MITD1: variants seen among roughly 807,000 people sequenced by gnomAD.
MITD1 encodes the protein MIT domain-containing protein 1.
Under a neutral mutation model 34.9 loss-of-function variants are expected in MITD1, and 24 were observed. The ratio of observed to expected loss-of-function variants is 0.69; its 90% CI spans 0.50 to 0.97. The LOEUF (loss-of-function observed/expected upper bound fraction) is 0.97. MITD1 is among the 50% of genes least tolerant of loss of function. The probability of loss-of-function intolerance (pLI) is 0.00; values close to 1 mark genes in which losing one functional copy is unlikely to be tolerated. For missense variants in MITD1, 266 were observed against 294.6 expected, an observed-to-expected ratio of 0.90 and a Z score of 0.71; for synonymous variants, 102 against 101.4, an observed-to-expected ratio of 1.01 and a Z score of -0.04.
intron 1 of MITD1, among the ~76,000 whole-genome samples, chr2:99,177,800 G>A (rs1281199012): frequency 6.6e-6 from 1 of 152,064 alleles, no homozygotes; most frequent in African/African-American, 2.4e-5. Flanking sequence ...ACTGCACCTG[G>A]CATCTAACTG....
exon 8 of MITD1, chr2:99,162,146 A>G (rs2093798375): frequency 6.2e-7 from 1 of 1,614,086 alleles, no homozygotes. Context: ...AACCAATTCT[A>G]TTCTTTTGGC....
intron 1 of MITD1, 58 bp from the exon 2 acceptor site, chr2:99,174,074 G>T: frequency 2.1e-6 from 2 of 947,828 alleles, no homozygotes; most frequent in South Asian, 1.6e-5. Flanking sequence ...ATTTAATTTG[G>T]GCATTATTTT....
intron 1 of MITD1, among the ~76,000 whole-genome samples, chr2:99,179,598 C>G (rs1488534794): frequency 6.6e-6 from 1 of 152,052 alleles, no homozygotes; most frequent in Non-Finnish European, 1.5e-5. Context: ...GAGTCTTGTT[C>G]TATTGGCAGA....
chr2:99,172,473 ACTT>A (rs1188426788), intron 2 of MITD1: 2 of 152,120 alleles, frequency 1.3e-5, no homozygotes, highest in African/African-American at 4.8e-5. Context: ...AATTTATAGT[ACTT>A]CTTAATAAGC....
intron 2 of MITD1, 68 bp downstream of exon 2, chr2:99,173,847 C>G: frequency 1.0e-6 from 1 of 991,514 alleles, no homozygotes; most frequent in Admixed American, 1.8e-5. Flanking sequence ...AGGGCAGGAG[C>G]CAGAAACATT....
intron 4 of MITD1, among the ~76,000 whole-genome samples, chr2:99,171,065 T>G (rs1421395995): frequency 6.6e-6 from 1 of 152,220 alleles, no homozygotes; most frequent in Non-Finnish European, 1.5e-5. Flanking sequence ...AACAAAATTG[T>G]TCATAGTGCA....
At chr2:99,163,179 C>CAA (rs35419218) in intron 7 of MITD1, 4,357 of 345,238 alleles carry the variant, frequency 0.013, 18 homozygotes, top group East Asian at 0.034. Flanking sequence ...TTAGTAACGT[C>CAA]AAAAAAAAAA....
downstream of MITD1, among the ~76,000 whole-genome samples, chr2:99,166,504 C>A (rs201637530): frequency 9.6e-3 from 893 of 92,964 alleles, 49 homozygotes; most frequent in East Asian, 0.23. Flanking sequence ...AAAAAAAAAA[C>A]ATACAGAGAA....
intron 5 of MITD1, among the ~76,000 whole-genome samples, chr2:99,170,218 A>C (rs1368300986): frequency 6.6e-6 from 1 of 152,184 alleles, no homozygotes; most frequent in African/African-American, 2.4e-5. Flanking sequence ...CTAGAAAATA[A>C]ATTATCCTAA....
At chr2:99,161,730 A>T, downstream of MITD1, 1 of 452,984 alleles carries the variant, frequency 2.2e-6, no homozygotes, top group South Asian at 4.7e-5. Flanking sequence ...ATTGTTTGAA[A>T]ACTGTGAAAT....
At chr2:99,176,151 C>G (rs2093885304) in intron 1 of MITD1, among the ~76,000 whole-genome samples, 1 of 152,084 alleles carries the variant, frequency 6.6e-6, no homozygotes. Context: ...GGGGTATCAC[C>G]ATGTTGCCCA....
At chr2:99,171,729 G>A in intron 2 of MITD1, 83 bp from the exon 3 acceptor site, 1 of 1,296,664 alleles carries the variant, frequency 7.7e-7, no homozygotes, top group Non-Finnish European at 1.1e-6. Flanking sequence ...TGATTAATCA[G>A]CATCAGATAC....
intron 2 of MITD1, 30 bp downstream of exon 2, chr2:99,173,885 T>C (rs767913503): frequency 3.7e-6 from 5 of 1,340,998 alleles, no homozygotes; most frequent in Non-Finnish European, 4.3e-6. Context: ...CAGTTGTTTA[T>C]GGATGCATTT....
rs2093851132 is a variant in MITD1 at position 99,170,659 on chromosome 2, A to G, written c.478-7T>C. ...GCTGCACTTGCTCAATGCCCTGTTA[A>G]TAGCAAAAATACGATTATCTGCCGC... On this transcript the variant is annotated splice_polypyrimidine_tract_variant and splice_region_variant and intron_variant, in intron 4 of 6. Transcript: ENST00000289359. 1 of 1,356,462 alleles carries G rather than the reference A, an allele frequency of 7.4e-7. No individual in the cohort carries two copies. The highest frequency in any genetic ancestry group is 1.1e-6 in the Non-Finnish European group (1 of 947,904). The allele number at this position is 1,356,462 out of a possible 1,614,324, so 84.0% of individuals were successfully genotyped here.
At chr2:99,168,941 G>C (rs1316422813), downstream of MITD1, among the ~76,000 whole-genome samples, 1 of 138,588 alleles carries the variant, frequency 7.2e-6, no homozygotes, top group Non-Finnish European at 1.5e-5. Flanking sequence ...CACCATGCCC[G>C]GCTAATTTTT....
At chr2:99,171,272 C>G (rs532680338) in intron 4 of MITD1, 71 bp downstream of exon 4, 1 of 1,149,282 alleles carries the variant, frequency 8.7e-7, no homozygotes, top group Non-Finnish European at 1.3e-6. Context: ...CATCTGTGTT[C>G]TCCTTGACTG....
intron 2 of MITD1, chr2:99,173,646 CA>C: frequency 2.0e-6 from 1 of 498,866 alleles, no homozygotes. Flanking sequence ...TGGCATGGAA[CA>C]TTCTCCAGTA....
downstream of MITD1, among the ~76,000 whole-genome samples, chr2:99,169,023 C>G (rs1190781672): frequency 7.9e-6 from 1 of 126,772 alleles, no homozygotes; most frequent in African/African-American, 2.9e-5. Flanking sequence ...TAAAAGCACT[C>G]TAATCCATGG....
downstream of MITD1, among the ~76,000 whole-genome samples, chr2:99,168,443 C>T (rs1331781202): frequency 4.6e-5 from 7 of 152,196 alleles, no homozygotes; most frequent in Admixed American, 2.0e-4. Context: ...GCCCAGCCAG[C>T]ATGTTCTTTG....
Sources: gnomAD v4.1 joint callset for allele counts (sites outside exome capture counted in the v4.1 genomes callset) on GRCh38, gnomAD v4.1.1 for gene constraint, MANE v1.5 for transcripts, NCBI Gene and HGNC (gene_info 2026-07-23, HGNC 2026-07-21) for gene names.